The following RFC5 variants were observed in gnomAD, a reference collection of about 807,000 sequenced individuals.
RFC5 encodes the protein A1 36 kDa subunit.
In RFC5, 26 loss-of-function variants were observed where a neutral mutation model predicts 44.3. That is an observed-to-expected ratio of 0.59 (90% CI 0.43 to 0.81). The LOEUF (loss-of-function observed/expected upper bound fraction) is 0.81, where lower values mean the gene tolerates loss of function less well. Among genes scored for constraint, RFC5 ranks in the 40% least tolerant of loss-of-function variants. The probability of loss-of-function intolerance (pLI) is 0.00; values close to 1 mark genes in which losing one functional copy is unlikely to be tolerated. For synonymous variants in RFC5, 155 were observed against 155.2 expected (o/e 1.00, Z 0.01); for missense variants, 328 against 418.6 (o/e 0.78, Z 1.89).
At chr12:118,036,603 G>A (rs1443505537), downstream of RFC5, 3 of 1,352,994 alleles carry the variant, frequency 2.2e-6, no homozygotes, top group East Asian at 4.7e-5. Context: ...AAATCTGCAG[G>A]CCCTGCAGCC....
intron 4 of RFC5, 73 bp from the exon 5 acceptor site, chr12:118,022,213 A>G: frequency 8.3e-7 from 1 of 1,197,872 alleles, no homozygotes; most frequent in Non-Finnish European, 1.2e-6. Context: ...GCACAATGGG[A>G]AGATATAGGT....
At chr12:118,035,137 C>T (rs769453827), downstream of RFC5, 2 of 1,612,518 alleles carry the variant, frequency 1.2e-6, no homozygotes, top group African/African-American at 1.3e-5. Flanking sequence ...TGACCCAGGG[C>T]CAGACCAAGA....
intron 9 of RFC5, among the ~76,000 whole-genome samples, 200 bp from the exon 10 acceptor site, chr12:118,029,571 T>A (rs2031178666): frequency 6.6e-6 from 1 of 152,218 alleles, no homozygotes; most frequent in Non-Finnish European, 1.5e-5. Flanking sequence ...TTGTCTACCC[T>A]ATAAAGCACA....
At chr12:118,029,981 T>C (rs557204249) in intron 10 of RFC5, among the ~76,000 whole-genome samples, 156 bp downstream of exon 10, 25 of 151,984 alleles carry the variant, frequency 1.6e-4, no homozygotes, top group Non-Finnish European at 3.4e-4. Flanking sequence ...TGGGGAAGGG[T>C]GTGAGCTGCT....
In RFC5 at chr12:118,028,033, A is replaced by G. The variant is rs1217917927; in HGVS notation, c.871+3A>G. 6.3e-7 allele frequency: 1 copy of G among 1,578,724 alleles called. No homozygotes were observed. Among genetic ancestry groups the G allele is most frequent in the African/African-American group, 1.3e-5 (1 of 74,104 alleles). ...GATACACTTGTTTGTGCATAGAGGT[A>G]ACTTACATTATCCCCCAGCTGAGAA... On this transcript the variant is annotated splice_donor_region_variant and intron_variant, in intron 9 of 10. Transcript: ENST00000454402.
intron 10 of RFC5, among the ~76,000 whole-genome samples, chr12:118,030,273 T>TA (rs2031229960): frequency 6.6e-6 from 1 of 152,238 alleles, no homozygotes; most frequent in Non-Finnish European, 1.5e-5. Context: ...ATCATTTAAG[T>TA]AGACAGAGCA....
intron 5 of RFC5, 95 bp from the exon 6 acceptor site, chr12:118,024,756 A>C: frequency 5.7e-6 from 6 of 1,048,004 alleles, no homozygotes; most frequent in Non-Finnish European, 2.8e-6. Context: ...ATCTTTTCCT[A>C]TACCCTTGTG....
chr12:118,018,079 C>T (rs1334214910), intron 1 of RFC5: 2 of 692,866 alleles, frequency 2.9e-6, no homozygotes, highest in Non-Finnish European at 5.2e-6. Flanking sequence ...CACTATGTGG[C>T]CTTTTGTGTC....
At position 118,031,265 on chromosome 12, in the gene RFC5, T is replaced by C; in HGVS notation, c.1010T>C (p.Val337Ala). ...AAFQVTRDLI[V>A]AEA ...TTTCAAGTCACCAGAGACCTGATTG[T>C]TGCAGAGGCCTAGATGCTCTGAGGG... The change falls in exon 11 of 11, where the codon GTT becomes GCT. Residue 337 changes from valine (V) to alanine (A), a missense_variant. Val to Ala is a moderately conservative substitution (Grantham distance 64). Transcript: ENST00000454402. 6.2e-7 allele frequency: 1 copy of C among 1,611,150 alleles called. No homozygotes were observed.
intron 3 of RFC5, among the ~76,000 whole-genome samples, chr12:118,020,184 G>C (rs914632300): frequency 1.3e-5 from 2 of 152,178 alleles, no homozygotes; most frequent in Non-Finnish European, 2.9e-5. Context: ...TGGCAGGGGT[G>C]GGGGAAGGAA....
chr12:118,024,768 C>T, intron 5 of RFC5, 83 bp from the exon 6 acceptor site: 1 of 1,200,258 alleles, frequency 8.3e-7, no homozygotes, highest in South Asian at 1.4e-5. Context: ...ACCCTTGTGA[C>T]CACAGAAAAA....
chr12:118,029,665 A>G, intron 9 of RFC5, 106 bp from the exon 10 acceptor site: 1 of 807,716 alleles, frequency 1.2e-6, no homozygotes, highest in East Asian at 2.4e-5. Context: ...CTGAGGCCTC[A>G]GGACTAGTTC....
chr12:118,035,480 G>GA (rs1440939716), downstream of RFC5, among the ~76,000 whole-genome samples: 7 of 151,566 alleles, frequency 4.6e-5, no homozygotes, highest in East Asian at 3.9e-4. Context: ...TGCACACTGG[G>GA]AAAAAAAAGG....
rs1314118832 is a variant in RFC5, at chr12:118,027,658, G to C, written c.794-295G>C. Reference sequence around the variant, plus strand: ...CTGTACTCTAGCCTGGGTGACAGAGGGAGATTCCATCTTAAAAAAAAAAAA... The same window carrying C: ...CTGTACTCTAGCCTGGGTGACAGAGCGAGATTCCATCTTAAAAAAAAAAAA... On this transcript the variant is annotated intron_variant, in intron 8 of 10. Transcript: ENST00000454402. 2.0e-5 allele frequency among the ~76,000 whole-genome samples: 3 copies of C among 148,822 alleles called. No homozygotes were observed. In the East Asian group the frequency reaches 5.9e-4, roughly 29 times the overall value.
chr12:118,038,989 C>A, the RFC5 span, among the ~76,000 whole-genome samples: 4 of 152,148 alleles, frequency 2.6e-5, no homozygotes, highest in East Asian at 1.9e-4. Context: ...ATCAAAGGGA[C>A]CTTTGATAGC....
intron 7 of RFC5, 74 bp downstream of exon 7, chr12:118,025,902 G>A (rs1174659898): frequency 1.1e-6 from 1 of 892,604 alleles, no homozygotes; most frequent in Non-Finnish European, 1.8e-6. Flanking sequence ...AGGCTGGAGT[G>A]CAGCAACACA....
chr12:118,038,462 G>A, the RFC5 span: 1 of 1,418,256 alleles, frequency 7.1e-7, no homozygotes, highest in East Asian at 2.3e-5. Flanking sequence ...GAGAACTGGG[G>A]TGGTAACAGC....
chr12:118,019,032 C>G lies in RFC5; in HGVS notation c.66-40C>G, dbSNP rs749121530. ...TTCTTTTGCACATAAAATATTCTTG[C>G]ATTTATATATGTCATAATACATACT... On this transcript the variant is annotated intron_variant, in intron 1 of 10. Coordinates refer to ENST00000454402, the MANE Select transcript of RFC5 (RefSeq NM_007370.7). The surrounding 1 kb of genome is among the most constrained non-coding windows in gnomAD (Gnocchi z 4.2). The G allele has an allele frequency of 7.2e-7, 1 of 1,395,956 alleles. No individual in the cohort carries two copies. The highest frequency in any genetic ancestry group is 1.0e-6 in the Non-Finnish European group (1 of 982,382). 86.5% of individuals were successfully genotyped at this position (1,395,956 alleles called of 1,614,324 possible). A position where few individuals can be genotyped will look rare whatever the true frequency, so the allele number is the denominator to read the frequency against.
chr12:118,025,681 T>G (rs1264417849), intron 6 of RFC5, 66 bp from the exon 7 acceptor site: 1 of 888,998 alleles, frequency 1.1e-6, no homozygotes, highest in African/African-American at 1.6e-5. Context: ...CAGGCCATCT[T>G]GTTCCTTTGG....
Sources: allele counts gnomAD v4.1 joint callset (sites outside exome capture counted in the v4.1 genomes callset), GRCh38; gene constraint gnomAD v4.1.1; non-coding constraint Gnocchi (gnomAD v3.1); transcripts MANE v1.5; gene names NCBI Gene and HGNC (gene_info 2026-07-23, HGNC 2026-07-21).